RPL26: variants seen among roughly 807,000 people sequenced by gnomAD.
The protein encoded by RPL26 is large ribosomal subunit protein uL24.
Under a neutral mutation model 16.2 loss-of-function variants are expected in RPL26, and 1 was observed. The ratio of observed to expected loss-of-function variants is 0.06; its 90% confidence interval spans 0.02 to 0.29. RPL26 has a LOEUF of 0.29. Ranked by LOEUF, RPL26 falls within the 10% of genes least tolerant of loss-of-function variation. RPL26 has a pLI of 1.00. For missense variants in RPL26, 102 were observed against 184.3 expected, an observed-to-expected ratio of 0.55 and a Z score of 2.58; for synonymous variants, 55 against 62.4, an observed-to-expected ratio of 0.88 and a Z score of 0.56.
At chr17:8,382,540 G>A (rs767316963) in intron 1 of RPL26, 2 of 475,650 alleles carry the variant, frequency 4.2e-6, no homozygotes, top group South Asian at 2.5e-5. Flanking sequence ...ACGGACTAAA[G>A]ACTTTTGCAT....
chr17:8,379,565 C>T lies in RPL26; in HGVS notation c.309+231G>A. On this transcript the variant is annotated intron_variant, in intron 3 of 3. Coordinates refer to ENST00000648839, the MANE Select transcript of RPL26 (RefSeq NM_000987.5). ...CTCCGGCCTGGGTGAAAGAGCAAGA[C>T]TGTCTCAAAAACAAACTAACAGAAA... 3 of 576,336 alleles carry T rather than the reference C, an allele frequency of 5.2e-6. No individual in the cohort carries two copies. The East Asian group carries it at 8.6e-5, about 16-fold the overall frequency. 35.7% of individuals were successfully genotyped at this position (576,336 alleles called of 1,614,324 possible).
At chr17:8,377,914 G>GT (rs1441536286) in intron 3 of RPL26, among the ~76,000 whole-genome samples, 1 of 152,230 alleles carries the variant, frequency 6.6e-6, no homozygotes, top group Non-Finnish European at 1.5e-5. Context: ...GATGGTATCA[G>GT]TAATTCTTAA....
chr17:8,380,178 G>C (rs557881362), intron 2 of RPL26: 4 of 425,152 alleles, frequency 9.4e-6, no homozygotes, highest in Admixed American at 4.0e-5. Flanking sequence ...GTGCTAGTCA[G>C]AGGGCAGCAA....
In RPL26 at chr17:8,382,124, A is replaced by G. The variant is rs1386023065; in HGVS notation, c.168+19T>C. The G allele has an allele frequency of 6.2e-7, 1 of 1,606,514 alleles. No homozygotes were observed. Among genetic ancestry groups the G allele is most frequent in the Admixed American group, 1.7e-5 (1 of 59,684 alleles). On this transcript the variant is annotated intron_variant, in intron 2 of 3. Transcript: ENST00000648839. Reference sequence around the variant, plus strand: ...GTAAAATATCCATCAAGACAACGAGAACAAGTAGGGATACACACCTGAACT... The same window carrying G: ...GTAAAATATCCATCAAGACAACGAGGACAAGTAGGGATACACACCTGAACT...
chr17:8,379,652 C>A, intron 3 of RPL26, 144 bp downstream of exon 3: 1 of 693,284 alleles, frequency 1.4e-6, no homozygotes. Context: ...ATTTTCAATA[C>A]AAGTGCAGTA....
At chr17:8,380,927 G>A (rs1907379311) in intron 2 of RPL26, 1 of 152,188 alleles carries the variant, frequency 6.6e-6, no homozygotes, top group African/African-American at 2.4e-5. Flanking sequence ...TGCCTTTGTA[G>A]GCTAACAAAT....
chr17:8,379,696 G>A, intron 3 of RPL26, 100 bp downstream of exon 3: 1 of 1,121,568 alleles, frequency 8.9e-7, no homozygotes, highest in Non-Finnish European at 1.3e-6. Context: ...TCCAGCACAT[G>A]TAAAATCAAG....
Position 8,380,080 on chromosome 17 carries a change from G to A in RPL26, c.169-144C>T, listed in dbSNP as rs189980177. 1.6e-4 allele frequency: 98 copies of A among 629,072 alleles called. 1 individual carries two copies. In the East Asian group the frequency reaches 2.5e-3, roughly 16 times the overall value. The allele number at this position is 629,072 out of a possible 1,614,324, so 39.0% of individuals were successfully genotyped here. A position where few individuals can be genotyped will look rare whatever the true frequency, so the allele number is the denominator to read the frequency against. ...AGCCCACTTCGGCAACCTGTAAGAA[G>A]TTGACAACAAGGAATCTGTTACTCC... is the stretch of plus-strand genomic sequence containing the variant. On this transcript the variant is annotated intron_variant, in intron 2 of 3. Transcript: ENST00000648839.
intron 2 of RPL26, among the ~76,000 whole-genome samples, chr17:8,380,259 TG>T (rs1907349561): frequency 1.3e-5 from 2 of 152,200 alleles, no homozygotes; most frequent in Admixed American, 1.3e-4. Context: ...GTCCTCAGTT[TG>T]TGAGGACAAG....
intron 2 of RPL26, 81 bp from the exon 3 acceptor site, chr17:8,380,017 C>G (rs1567705009): frequency 1.8e-6 from 2 of 1,128,388 alleles, no homozygotes; most frequent in African/African-American, 3.1e-5. Context: ...ATGCATACAC[C>G]ATTCACCCTA....
chr17:8,379,992 C>A, intron 2 of RPL26, 56 bp from the exon 3 acceptor site: 1 of 1,482,260 alleles, frequency 6.7e-7, no homozygotes, highest in South Asian at 1.2e-5. Context: ...CCTTGTAAAT[C>A]AAGTAAACAA....
chr17:8,377,791 G>A (rs1907215839), intron 3 of RPL26, 99 bp from the exon 4 acceptor site: 6 of 1,062,238 alleles, frequency 5.6e-6, no homozygotes, highest in African/African-American at 1.6e-5. Flanking sequence ...ACCTGGGGTA[G>A]GTGGATGCCT....
chr17:8,379,767 TTC>T (rs1907327600), intron 3 of RPL26, 27 bp downstream of exon 3: 1 of 1,601,154 alleles, frequency 6.2e-7, no homozygotes, highest in Non-Finnish European at 8.5e-7. Context: ...CATAATTTCC[TTC>T]TCTCAAGCAT....
chr17:8,382,050 C>T (rs1474210700), intron 2 of RPL26, 93 bp downstream of exon 2: 2 of 1,152,488 alleles, frequency 1.7e-6, no homozygotes, highest in Non-Finnish European at 2.6e-6. Flanking sequence ...GAGCAAGAGT[C>T]TCAGAAGCAT....
chr17:8,379,866 A>G lies in RPL26; in HGVS notation c.239T>C (p.Ile80Thr), dbSNP rs1430258656. ...VVQVYRKKYV[I>T]YIERVQREKA... ...TTCCCGCTGCACCCGTTCAATGTAG[A>G]TAACATATTTCTTCCTGTAAACCTG... The change falls in exon 3 of 4, where the codon ATC (isoleucine) becomes ACC (threonine). Residue 80 changes from isoleucine to threonine, a missense_variant. Ile to Thr is a moderately conservative substitution (Grantham distance 89). Coordinates refer to ENST00000648839, the MANE Select transcript of RPL26 (RefSeq NM_000987.5). The G allele has an allele frequency of 1.2e-6, 2 of 1,613,582 alleles. No individual in the cohort carries two copies. Among genetic ancestry groups the G allele is most frequent in the Admixed American group, 1.7e-5 (1 of 59,988 alleles).
At position 8,379,954 on chromosome 17, in the gene RPL26, AG is replaced by A. The variant is rs1393777375; in HGVS notation, c.169-19del. On this transcript the variant is annotated intron_variant, in intron 2 of 3. Coordinates refer to ENST00000648839, the MANE Select transcript of RPL26 (RefSeq NM_000987.5). ...CGTACAACCTAAGAGCAAATTCAAA[AG>A]TAACAAATATTTGAATAAAAGATTA... is the stretch of plus-strand genomic sequence containing the variant. 6.3e-7 allele frequency: 1 copy of A among 1,599,376 alleles called. No homozygotes were observed. Among genetic ancestry groups the A allele is most frequent in the Admixed American group, 1.7e-5 (1 of 58,260 alleles).
In RPL26 at chr17:8,382,235, G is replaced by C; in HGVS notation, c.76C>G (p.Arg26Gly). The C allele has an allele frequency of 6.2e-7, 1 of 1,612,402 alleles. No individual in the cohort carries two copies. The highest frequency in any genetic ancestry group is 8.5e-7 in the Non-Finnish European group (1 of 1,178,424). Residue 26 changes from arginine to glycine, a missense_variant, in exon 2 of 4, where the codon CGA (arginine) becomes GGA (glycine). Arg to Gly is a moderately radical substitution (Grantham distance 125, BLOSUM62 -2). Coordinates refer to ENST00000648839, the MANE Select transcript of RPL26 (RefSeq NM_000987.5). ...AGAGGGGAAGACATAATCTTCCTTC[G>C]AATGTGGGAAGGTGCATTGAAATGC... is the stretch of plus-strand genomic sequence containing the variant. ...KRHFNAPSHI[R>G]RKIMSSPLSK...
chr17:8,379,715 C>G (rs1414473046), intron 3 of RPL26, 81 bp downstream of exon 3: 2 of 1,325,656 alleles, frequency 1.5e-6, no homozygotes, highest in Non-Finnish European at 2.1e-6. Flanking sequence ...AGGACTATTT[C>G]TATGGCCTTG....
At chr17:8,377,839 A>G in intron 3 of RPL26, 147 bp from the exon 4 acceptor site, 1 of 657,502 alleles carries the variant, frequency 1.5e-6, no homozygotes, top group Non-Finnish European at 2.4e-6. Context: ...AACTCCAGAA[A>G]TCACTCTTTA....
Sources: allele counts gnomAD v4.1 joint callset (sites outside exome capture counted in the v4.1 genomes callset), GRCh38; gene constraint gnomAD v4.1.1; transcripts MANE v1.5; gene names NCBI Gene and HGNC (gene_info 2026-07-23, HGNC 2026-07-21).